The following ATP2A1 variants were observed in gnomAD, a reference collection of about 807,000 sequenced individuals.
The protein encoded by ATP2A1 is sarcoplasmic/endoplasmic reticulum calcium ATPase 1.
ATP2A1 carries 83 observed loss-of-function variants against 109.5 expected under a neutral mutation model. That is an observed-to-expected ratio of 0.76 (90% confidence interval 0.63 to 0.91). The LOEUF is 0.91. Among genes scored for constraint, ATP2A1 ranks in the 40% least tolerant of loss-of-function variants. ATP2A1 has a pLI of 0.00. For synonymous variants in ATP2A1, 505 were observed against 537.6 expected (o/e 0.94, Z 0.84); for missense variants, 1,101 against 1,341.0 (o/e 0.82, Z 2.80).
At chr16:28,887,071 G>C (rs1963633507) in intron 6 of ATP2A1, 118 bp from the exon 7 acceptor site, 2 of 1,000,744 alleles carry the variant, frequency 2.0e-6, no homozygotes, top group Admixed American at 1.8e-5. Flanking sequence ...ACATCCCCCA[G>C]GATGGCTACT....
At chr16:28,885,946 A>G (rs1437151882) in intron 6 of ATP2A1, among the ~76,000 whole-genome samples, 1 of 151,800 alleles carries the variant, frequency 6.6e-6, no homozygotes, top group Non-Finnish European at 1.5e-5. Context: ...CAGGAGAATT[A>G]CTTGAGGTCA....
At position 28,888,795 on chromosome 16, in the gene ATP2A1, G is replaced by T. The variant is rs762549353; in HGVS notation, c.937G>T (p.Ala313Ser). Residue 313 changes from alanine (A) to serine (S), a missense_variant, in exon 9 of 23, where the codon GCA becomes TCA. Coordinates refer to ENST00000395503, the MANE Select transcript of ATP2A1 (RefSeq NM_004320.6). ...TCCCTCCCTCCCCACAGGTCTTCCT[G>T]CAGTCATCACCACCTGCCTGGCCCT... ...AVAAIPEGLP[A>S]VITTCLALGT... is the part of the protein sequence containing the mutation. 1 of 1,610,016 alleles carries T rather than the reference G, an allele frequency of 6.2e-7. No homozygotes were observed. The highest frequency in any genetic ancestry group is 1.1e-5 in the South Asian group (1 of 91,024).
In ATP2A1 at chr16:28,887,470, A is replaced by C. The variant is rs1259306137; in HGVS notation, c.676A>C (p.Thr226Pro). The C allele has an allele frequency of 3.7e-6, 6 of 1,613,738 alleles. No homozygotes were observed. The African/African-American group carries it at 8.0e-5, about 22-fold the overall frequency. Residue 226 changes from threonine (T) to proline (P), a missense_variant, in exon 8 of 23, where the codon ACT (threonine) becomes CCT (proline). Transcript: ENST00000395503. Reference protein sequence around the residue: ...AGKALGIVATTGVGTEIGKIR... With the variant: ...AGKALGIVATPGVGTEIGKIR... ...CAAGGCCTTGGGCATCGTGGCCACC[A>C]CTGGTGTGGGCACCGAGATTGGGAA...
rs764640218 is a variant in ATP2A1 at position 28,880,940 on chromosome 16, A to G, written c.245A>G (p.Glu82Gly). The G allele has an allele frequency of 9.3e-6, 15 of 1,614,068 alleles. No individual in the cohort carries two copies. Among genetic ancestry groups the G allele is most frequent in the Non-Finnish European group, 1.3e-5 (15 of 1,180,044 alleles). The part of the protein sequence containing the change: ...SFVLAWFEEG[E>G]ETITAFVEPF... ...GTGCTGGCCTGGTTTGAGGAAGGTGAAGAGACCATCACTGCCTTTGTTGAA... is the reference window on the plus strand; with the variant it reads ...GTGCTGGCCTGGTTTGAGGAAGGTGGAGAGACCATCACTGCCTTTGTTGAA... The change falls in exon 4 of 23, where the codon GAA becomes GGA. Residue 82 changes from glutamate to glycine, a missense_variant. Glu to Gly is a moderately conservative substitution (Grantham distance 98). Coordinates refer to ENST00000395503, the MANE Select transcript of ATP2A1 (RefSeq NM_004320.6). The surrounding 1 kb of genome is among the most constrained non-coding windows in gnomAD (Gnocchi z 4.2).
chr16:28,878,798 C>T lies in ATP2A1; in HGVS notation c.118+9C>T, dbSNP rs766359616. ...GAAATACGGCCTCAATGGTAAGTGT[C>T]CCTTGGAAGAGCGGCTGGTAATTAA... On this transcript the variant is annotated intron_variant, in intron 1 of 22. Coordinates refer to ENST00000395503, the MANE Select transcript of ATP2A1 (RefSeq NM_004320.6). The T allele has an allele frequency of 1.2e-6, 2 of 1,613,206 alleles. No individual in the cohort carries two copies. Among genetic ancestry groups the T allele is most frequent in the East Asian group, 2.2e-5 (1 of 44,870 alleles).
Position 28,884,077 on chromosome 16 carries a change from T to TC in ATP2A1, c.464-497dup, listed in dbSNP as rs1355299736. ...TGCCTTCCCTGGCTGTCCACTTCAT[T>TC]CTCTCACCCCGACACCCCTTCTCTC... On this transcript the variant is annotated intron_variant, in intron 5 of 22. Transcript: ENST00000395503. Among the ~76,000 whole-genome samples the TC allele has an allele frequency of 9.2e-5, 14 of 152,184 alleles. No individual in the cohort carries two copies. In the East Asian group the frequency reaches 2.7e-3, roughly 29 times the overall value.
At position 28,888,894 on chromosome 16, in the gene ATP2A1, T is replaced by C; in HGVS notation, c.1036T>C (p.Ser346Pro). Residue 346 changes from serine to proline, a missense_variant, in exon 9 of 23, where the codon TCT becomes CCT. By Grantham distance (74) the Ser-to-Pro change is moderately conservative (BLOSUM62 -1). Transcript: ENST00000395503. ...LPSVETLGCT[S>P]VICSDKTGTL... ...CTCCGTAGAGACCCTGGGCTGCACC[T>C]CTGTCATCTGTTCCGACAAGACAGG... 6.2e-7 allele frequency: 1 copy of C among 1,613,782 alleles called. No individual in the cohort carries two copies. The highest frequency in any genetic ancestry group is 8.5e-7 in the Non-Finnish European group (1 of 1,179,798).
chr16:28,882,839 CT>C (rs2152200440), intron 5 of ATP2A1, among the ~76,000 whole-genome samples: 1 of 152,368 alleles, frequency 6.6e-6, no homozygotes, highest in East Asian at 1.9e-4. Flanking sequence ...TCCTCTCACC[CT>C]GCACTTGCAC....
chr16:28,878,652 G>A lies in ATP2A1; in HGVS notation c.-20G>A. The A allele has an allele frequency of 2.5e-6, 4 of 1,579,570 alleles. No individual in the cohort carries two copies. The highest frequency in any genetic ancestry group is 1.3e-5 in the African/African-American group (1 of 74,336). On this transcript the variant is annotated 5_prime_UTR_variant, in exon 1 of 23. Transcript: ENST00000395503. ...CCCTGGAAGGAACACACCGGCCCCG[G>A]CCCCCAGGAAGGGAGCACAATGGAG... is the stretch of plus-strand genomic sequence containing the variant.
At position 28,904,220 on chromosome 16, in the gene ATP2A1, T is replaced by C. The variant is rs767049696; in HGVS notation, c.*78T>C. Reference sequence around the variant, plus strand: ...GAAGGAAGTGAGCATCCTTTTGCTCTGTCCTCCCCACCCCGATAGTGACAC... The same window carrying C: ...GAAGGAAGTGAGCATCCTTTTGCTCCGTCCTCCCCACCCCGATAGTGACAC... On this transcript the variant is annotated 3_prime_UTR_variant, in exon 23 of 23. Transcript: ENST00000395503. The C allele has an allele frequency of 1.1e-5, 18 of 1,613,672 alleles. No individual in the cohort carries two copies. In the South Asian group the frequency reaches 1.6e-4, roughly 15 times the overall value.
rs560303178 is a variant in ATP2A1 at position 28,904,414 on chromosome 16, G to A, written c.*272G>A. On this transcript the variant is annotated 3_prime_UTR_variant, in exon 23 of 23. Transcript: ENST00000395503. ...CCCGAGGGGCTTGCAGGGACAAGGC[G>A]ACCGACTGCGCTGAGCTGCTTATTT... is the stretch of plus-strand genomic sequence containing the variant. The A allele has an allele frequency of 2.4e-5, 37 of 1,534,070 alleles. No individual in the cohort carries two copies. Among genetic ancestry groups the A allele is most frequent in the Admixed American group, 7.8e-5 (4 of 50,958 alleles).
In ATP2A1 at chr16:28,903,566, C is replaced by T. The variant is rs1482271369; in HGVS notation, c.2980+126C>T. The T allele has an allele frequency of 4.9e-6, 6 of 1,218,590 alleles. No homozygotes were observed. The highest frequency in any genetic ancestry group is 3.7e-6 in the Non-Finnish European group (3 of 821,254). 75.5% of individuals were successfully genotyped at this position (1,218,590 alleles called of 1,614,324 possible). A position where few individuals can be genotyped will look rare whatever the true frequency, so the allele number is the denominator to read the frequency against. ...TCAGCCCTGGCAGGACCTGTGTCCG[C>T]CCCGTTCCCCCTGCGCCTGCAGGGG... On this transcript the variant is annotated intron_variant, in intron 21 of 22. Coordinates refer to ENST00000395503, the MANE Select transcript of ATP2A1 (RefSeq NM_004320.6). The surrounding 1 kb of genome is among the most constrained non-coding windows in gnomAD (Gnocchi z 5.6).
At chr16:28,881,815 A>G (rs982937845) in intron 4 of ATP2A1, among the ~76,000 whole-genome samples, 1 of 150,618 alleles carries the variant, frequency 6.6e-6, no homozygotes, top group African/African-American at 2.4e-5. Context: ...AAAAAAAAAA[A>G]GAGAGAAATA....
intron 12 of ATP2A1, among the ~76,000 whole-genome samples, chr16:28,896,714 A>ATTTTTTTT (rs1165561318): frequency 9.3e-6 from 1 of 107,212 alleles, no homozygotes; most frequent in African/African-American, 3.6e-5. Flanking sequence ...CCTGGCCTTC[A>ATTTTTTTT]TTTTTTTTTT....
intron 5 of ATP2A1, 47 bp downstream of exon 5, chr16:28,882,636 A>C: frequency 1.9e-6 from 3 of 1,608,614 alleles, no homozygotes; most frequent in Non-Finnish European, 1.7e-6. Flanking sequence ...CTTGGGGCTG[A>C]GGCCTAGGAG....
rs1964156924 is a variant in ATP2A1 at position 28,903,585 on chromosome 16, G to A, written c.2981-115G>A. On this transcript the variant is annotated intron_variant, in intron 21 of 22. Coordinates refer to ENST00000395503, the MANE Select transcript of ATP2A1 (RefSeq NM_004320.6). This position sits in a 1 kb window ranked among gnomAD's most constrained non-coding sequence, Gnocchi z 5.6. ...TGTCCGCCCCGTTCCCCCTGCGCCT[G>A]CAGGGGCCACATCTCCGGGGCAGCC... is the stretch of plus-strand genomic sequence containing the variant. 1.7e-6 allele frequency: 2 copies of A among 1,201,278 alleles called. No homozygotes were observed. Among genetic ancestry groups the A allele is most frequent in the Non-Finnish European group, 2.5e-6 (2 of 806,412 alleles). 74.4% of individuals were successfully genotyped at this position (1,201,278 alleles called of 1,614,324 possible).
intron 14 of ATP2A1, among the ~76,000 whole-genome samples, chr16:28,899,749 T>A (rs1253414157): frequency 7.0e-6 from 1 of 142,588 alleles, no homozygotes; most frequent in Non-Finnish European, 1.5e-5. Context: ...TCACTTGAGG[T>A]TAGGAGTTTG....
chr16:28,897,469 A>G (rs1465245864), intron 12 of ATP2A1, among the ~76,000 whole-genome samples: 3 of 152,232 alleles, frequency 2.0e-5, no homozygotes, highest in Non-Finnish European at 2.9e-5. Context: ...ACTTCAGCCT[A>G]GGAGACAGCG....
rs897036666 is a variant in ATP2A1 at position 28,880,105 on chromosome 16, G to A, written c.219+522G>A. 1.1e-5 allele frequency: 11 copies of A among 997,148 alleles called. No homozygotes were observed. In the African/African-American group the frequency reaches 1.9e-4, roughly 17 times the overall value. 61.8% of individuals were successfully genotyped at this position (997,148 alleles called of 1,614,324 possible). A position where few individuals can be genotyped will look rare whatever the true frequency, so the allele number is the denominator to read the frequency against. On this transcript the variant is annotated intron_variant, in intron 3 of 22. Transcript: ENST00000395503. The surrounding 1 kb of genome is among the most constrained non-coding windows in gnomAD (Gnocchi z 4.2). ...GGAGCCCGGCGCCCGGTCAGGGAGG[G>A]CACTGGCATCCCTCATTACCCGCCC...
Sources: allele counts gnomAD v4.1 joint callset (sites outside exome capture counted in the v4.1 genomes callset), GRCh38; gene constraint gnomAD v4.1.1; non-coding constraint Gnocchi (gnomAD v3.1); transcripts MANE v1.5; gene names NCBI Gene and HGNC (gene_info 2026-07-23, HGNC 2026-07-21).